The following EFCAB13 variants were observed in gnomAD, a reference collection of about 807,000 sequenced individuals.
The protein encoded by EFCAB13 is EF-hand calcium binding domain 13.
A neutral mutation model predicts 110.2 loss-of-function variants in EFCAB13; 91 were observed. The ratio of observed to expected loss-of-function variants is 0.83; its 90% CI spans 0.70 to 0.98. The LOEUF (loss-of-function observed/expected upper bound fraction) is 0.98. Among genes scored for constraint, EFCAB13 ranks in the 50% least tolerant of loss-of-function variants. The probability of loss-of-function intolerance (pLI) is 0.00; values close to 1 mark genes in which losing one functional copy is unlikely to be tolerated. For missense variants in EFCAB13, 968 were observed against 1,119.4 expected, an observed-to-expected ratio of 0.86 and a Z score of 1.93; for synonymous variants, 323 against 369.9, an observed-to-expected ratio of 0.87 and a Z score of 1.45.
In EFCAB13 at chr17:47,409,726, A is replaced by G. The variant is rs753767279; in HGVS notation, c.2278+35A>G. On this transcript the variant is annotated intron_variant, in intron 21 of 24. Coordinates refer to ENST00000331493, the MANE Select transcript of EFCAB13 (RefSeq NM_152347.5). ...AACTTTGTATATGAGAAAATTTTCA[A>G]TAATAAGAGATATTTTTTAGAATAA... 7.5e-6 allele frequency: 11 copies of G among 1,468,082 alleles called. No individual in the cohort carries two copies. The East Asian group carries it at 2.3e-4, about 30-fold the overall frequency. The allele number at this position is 1,468,082 out of a possible 1,614,324, so 90.9% of individuals were successfully genotyped here. A position where few individuals can be genotyped will look rare whatever the true frequency, so the allele number is the denominator to read the frequency against.
intron 9 of EFCAB13, among the ~76,000 whole-genome samples, chr17:47,351,300 TGTGTGCGCGCGCGCGCGCGCGCGC>T (rs2065449600): frequency 1.8e-5 from 2 of 110,592 alleles, no homozygotes; most frequent in African/African-American, 5.6e-5. Context: ...TGTGTGTGTG[TGTGTGCGCGCGCGCGCGCGCGCGC>T]GCGCCACGTT....
chr17:47,428,921 TG>T, intron 23 of EFCAB13, among the ~76,000 whole-genome samples: 1 of 152,116 alleles, frequency 6.6e-6, no homozygotes, highest in Admixed American at 6.5e-5. Flanking sequence ...GGGGACATTT[TG>T]TTGGCTATTT....
At chr17:47,415,815 T>C (rs1598759091) in intron 23 of EFCAB13, among the ~76,000 whole-genome samples, 1 of 152,088 alleles carries the variant, frequency 6.6e-6, no homozygotes, top group East Asian at 1.9e-4. Flanking sequence ...AATACCACAC[T>C]ATCTATGTTG....
intron 12 of EFCAB13, among the ~76,000 whole-genome samples, chr17:47,375,909 A>G (rs750139061): frequency 2.2e-4 from 33 of 152,152 alleles, no homozygotes; most frequent in Non-Finnish European, 4.3e-4. Context: ...AGGAAAAAAT[A>G]ATACTATATA....
At chr17:47,334,454 A>G (rs760157358) in intron 4 of EFCAB13, among the ~76,000 whole-genome samples, 7 of 152,236 alleles carry the variant, frequency 4.6e-5, no homozygotes, top group Non-Finnish European at 8.8e-5. Context: ...CAGAAGCTTT[A>G]AATGAAGTTT....
At chr17:47,379,630 T>C (rs940212742) in intron 14 of EFCAB13, among the ~76,000 whole-genome samples, 1 of 152,106 alleles carries the variant, frequency 6.6e-6, no homozygotes, top group Non-Finnish European at 1.5e-5. Flanking sequence ...TTTAGAACTT[T>C]TAAAAACAGC....
At chr17:47,341,318 A>T (rs1470678972) in intron 5 of EFCAB13, 1 of 152,198 alleles carries the variant, frequency 6.6e-6, no homozygotes, top group East Asian at 1.9e-4. Flanking sequence ...TGGTGCCTGT[A>T]TATTTGATGA....
chr17:47,424,493 G>A (rs112248488), intron 23 of EFCAB13, among the ~76,000 whole-genome samples: 1 of 152,282 alleles, frequency 6.6e-6, no homozygotes, highest in Non-Finnish European at 1.5e-5. Flanking sequence ...AGGCAGAAAA[G>A]ACCACTGAAT....
At chr17:47,355,338 C>T (rs1260639233) in intron 9 of EFCAB13, among the ~76,000 whole-genome samples, 1 of 152,158 alleles carries the variant, frequency 6.6e-6, no homozygotes, top group Non-Finnish European at 1.5e-5. Flanking sequence ...CTTTAGATAA[C>T]CTGATGACTA....
chr17:47,359,366 C>G (rs1488818402), intron 9 of EFCAB13, among the ~76,000 whole-genome samples: 1 of 151,906 alleles, frequency 6.6e-6, no homozygotes, highest in African/African-American at 2.4e-5. Context: ...AAAAAAAAGA[C>G]TAATCGAATG....
At chr17:47,382,643 A>G (rs1012044314) in intron 14 of EFCAB13, among the ~76,000 whole-genome samples, 2 of 151,190 alleles carry the variant, frequency 1.3e-5, no homozygotes, top group African/African-American at 4.8e-5. Context: ...GGTTCTGTTT[A>G]TGTGATGATA....
At chr17:47,403,283 C>T (rs1328131815) in intron 18 of EFCAB13, among the ~76,000 whole-genome samples, 1 of 152,156 alleles carries the variant, frequency 6.6e-6, no homozygotes, top group African/African-American at 2.4e-5. Context: ...TATATTTACT[C>T]TCCACATCAA....
rs1347032044 is a variant in EFCAB13, at chr17:47,374,973, A to G, written c.1372+7A>G. The G allele has an allele frequency of 1.3e-6, 2 of 1,544,028 alleles. No individual in the cohort carries two copies. The highest frequency in any genetic ancestry group is 8.7e-7 in the Non-Finnish European group (1 of 1,154,098). On this transcript the variant is annotated splice_region_variant and intron_variant, in intron 12 of 24. Coordinates refer to ENST00000331493, the MANE Select transcript of EFCAB13 (RefSeq NM_152347.5). ...ACTGCAATTAGTACTCTGGGTAAGT[A>G]AAAATCTAGGTTCTTGAGTTCTTCA...
chr17:47,355,637 A>G (rs1043203396), intron 9 of EFCAB13, among the ~76,000 whole-genome samples: 2 of 139,806 alleles, frequency 1.4e-5, no homozygotes, highest in Admixed American at 7.7e-5. Flanking sequence ...CAGTGATGCG[A>G]TCTCGGCTTA....
rs765927019 is a variant in EFCAB13 at position 47,414,945 on chromosome 17, G to T, written c.2494+26G>T. ...GTAAGTGAATACTTCTTGTTCAAGA[G>T]AATGGCTAGAAAATAAATATTTAAA... On this transcript the variant is annotated intron_variant, in intron 23 of 24. Coordinates refer to ENST00000331493, the MANE Select transcript of EFCAB13 (RefSeq NM_152347.5). 8 of 1,439,422 alleles carry T rather than the reference G, an allele frequency of 5.6e-6. 1 individual carries two copies. In the South Asian group the frequency reaches 9.7e-5, roughly 18 times the overall value. The allele number at this position is 1,439,422 out of a possible 1,614,324, so 89.2% of individuals were successfully genotyped here. A position where few individuals can be genotyped will look rare whatever the true frequency, so the allele number is the denominator to read the frequency against.
chr17:47,361,076 G>C (rs1252209919), intron 9 of EFCAB13, among the ~76,000 whole-genome samples: 2 of 152,154 alleles, frequency 1.3e-5, no homozygotes, highest in Non-Finnish European at 2.9e-5. Context: ...GGGACCCCCA[G>C]ATTTGGTTCG....
At chr17:47,358,895 C>T (rs577835669) in intron 9 of EFCAB13, among the ~76,000 whole-genome samples, 2 of 152,302 alleles carry the variant, frequency 1.3e-5, no homozygotes, top group South Asian at 4.1e-4. Context: ...AGAAATTCCT[C>T]GGATAGCTGC....
At chr17:47,404,074 A>T in intron 19 of EFCAB13, 53 bp downstream of exon 19, 2 of 1,397,632 alleles carry the variant, frequency 1.4e-6, no homozygotes, top group South Asian at 1.3e-5. Flanking sequence ...AGTAAAGAAG[A>T]TGTGCAAGGT....
chr17:47,342,404 T>A (rs1333884517), intron 6 of EFCAB13, among the ~76,000 whole-genome samples: 1 of 152,172 alleles, frequency 6.6e-6, no homozygotes, highest in Non-Finnish European at 1.5e-5. Context: ...ATGGCCTCTT[T>A]TCCTGTGTCT....
Sources: allele counts gnomAD v4.1 joint callset (sites outside exome capture counted in the v4.1 genomes callset), GRCh38; gene constraint gnomAD v4.1.1; transcripts MANE v1.5; gene names NCBI Gene and HGNC (gene_info 2026-07-23, HGNC 2026-07-21).